Variants in ESRRB observed in about 807,000 individuals in gnomAD.
The protein encoded by ESRRB is estrogen related receptor beta.
In ESRRB, 16 loss-of-function variants were observed where a neutral mutation model predicts 46.0. The observed-to-expected ratio is 0.35, with a 90% CI of 0.24 to 0.53. The LOEUF (loss-of-function observed/expected upper bound fraction) is 0.53. Among genes scored for constraint, ESRRB ranks in the 20% least tolerant of loss-of-function variants. The pLI is 0.93. For synonymous variants in ESRRB, 246 were observed against 259.6 expected (o/e 0.95, Z 0.50); for missense variants, 488 against 607.4 (o/e 0.80, Z 2.07).
At chr14:76,386,703 C>T (rs1885247399) in intron 1 of ESRRB, among the ~76,000 whole-genome samples, 2 of 152,096 alleles carry the variant, frequency 1.3e-5, no homozygotes, top group African/African-American at 4.8e-5. Flanking sequence ...TTCAGGTGAT[C>T]TGCCTGCCTC....
intron 1 of ESRRB, among the ~76,000 whole-genome samples, chr14:76,353,355 C>G (rs984836537): frequency 6.6e-6 from 1 of 152,178 alleles, no homozygotes; most frequent in Non-Finnish European, 1.5e-5. Context: ...AGGCCCTCAT[C>G]TCTGCAAATC....
chr14:76,459,912 G>GGAGA (rs1888782044), intron 2 of ESRRB, among the ~76,000 whole-genome samples: 1 of 151,982 alleles, frequency 6.6e-6, no homozygotes, highest in Admixed American at 6.6e-5. Context: ...AGGGAGAGGG[G>GGAGA]GAGAGAGGGA....
intron 1 of ESRRB, among the ~76,000 whole-genome samples, chr14:76,429,365 A>C (rs1210309811): frequency 6.6e-6 from 1 of 152,236 alleles, no homozygotes; most frequent in Non-Finnish European, 1.5e-5. Flanking sequence ...TGTGTCCAGA[A>C]AAGTGTTACC....
At chr14:76,355,136 T>C (rs1884364260) in intron 1 of ESRRB, among the ~76,000 whole-genome samples, 1 of 152,206 alleles carries the variant, frequency 6.6e-6, no homozygotes, top group African/African-American at 2.4e-5. Flanking sequence ...GGATGGGTCT[T>C]TTCCAGGCAG....
chr14:76,367,841 C>T (rs1284419373), upstream of ESRRB, among the ~76,000 whole-genome samples: 1 of 152,136 alleles, frequency 6.6e-6, no homozygotes, highest in Non-Finnish European at 1.5e-5. Flanking sequence ...ACCCATCCCT[C>T]CTTGTCCCAT....
chr14:76,485,796 C>G (rs1019659422), intron 5 of ESRRB, among the ~76,000 whole-genome samples: 3 of 152,146 alleles, frequency 2.0e-5, no homozygotes, highest in Non-Finnish European at 4.4e-5. Flanking sequence ...GCAGGCTGCT[C>G]AGGAGTAGAG....
chr14:76,419,215 A>G (rs1398288254), intron 1 of ESRRB, among the ~76,000 whole-genome samples: 1 of 151,970 alleles, frequency 6.6e-6, no homozygotes, highest in Non-Finnish European at 1.5e-5. Context: ...GGGTTTCGCC[A>G]TGTTGGCCAG....
At chr14:76,494,762 G>C (rs976472816) in intron 6 of ESRRB, among the ~76,000 whole-genome samples, 1 of 152,220 alleles carries the variant, frequency 6.6e-6, no homozygotes, top group Non-Finnish European at 1.5e-5. Context: ...GTTCTGTCAG[G>C]TGGAGGAGGA....
chr14:76,312,616 G>A (rs190002986), intron 1 of ESRRB, among the ~76,000 whole-genome samples: 76 of 151,516 alleles, frequency 5.0e-4, no homozygotes, highest in African/African-American at 1.7e-3. Flanking sequence ...GGGGACAAAC[G>A]CCAACTAGGA....
chr14:76,445,715 C>CG (rs1211814080), intron 2 of ESRRB, among the ~76,000 whole-genome samples: 1 of 145,118 alleles, frequency 6.9e-6, no homozygotes, highest in Admixed American at 6.9e-5. Flanking sequence ...GACAGAGTCT[C>CG]GCTCTGTCAC....
intron 2 of ESRRB, among the ~76,000 whole-genome samples, chr14:76,443,197 G>A (rs1887993246): frequency 6.6e-6 from 1 of 152,158 alleles, no homozygotes; most frequent in Non-Finnish European, 1.5e-5. Context: ...AAACAGTAGA[G>A]CACGTTTTCC....
intron 1 of ESRRB, among the ~76,000 whole-genome samples, chr14:76,354,764 C>A (rs999376388): frequency 7.0e-6 from 1 of 143,378 alleles, no homozygotes; most frequent in African/African-American, 2.6e-5. Context: ...GGCTGGAGTG[C>A]AATGGCTCGA....
intron 1 of ESRRB, among the ~76,000 whole-genome samples, chr14:76,332,622 AAT>A (rs1884033343): frequency 2.6e-5 from 1 of 38,512 alleles, no homozygotes; most frequent in African/African-American, 1.4e-4. Context: ...ATATTATATA[AAT>A]ATATATTATA....
At chr14:76,355,831 A>G (rs8003974) in intron 1 of ESRRB, among the ~76,000 whole-genome samples, 48,995 of 151,958 alleles carry the variant, frequency 0.32, 8,187 homozygotes, top group African/African-American at 0.41. Context: ...TTCCTGCTGC[A>G]CCCTCAGCCT....
chr14:76,439,253 C>T (rs1385309985), intron 1 of ESRRB, 88 bp from the exon 2 acceptor site: 1 of 1,476,812 alleles, frequency 6.8e-7, no homozygotes, highest in Non-Finnish European at 9.4e-7. Flanking sequence ...GCATAGAGCC[C>T]TTCCCAGCCA....
rs201691455 is a variant in ESRRB, at chr14:76,482,064, G to A, written c.626G>A (p.Arg209Gln). The A allele has an allele frequency of 1.2e-4, 198 of 1,614,088 alleles. No individual in the cohort carries two copies. Among genetic ancestry groups the A allele is most frequent in the Non-Finnish European group, 1.6e-4 (190 of 1,180,050 alleles). The change falls in exon 4 of 7, where the codon CGG becomes CAG. Residue 209 changes from arginine to glutamine, a missense_variant. By Grantham distance (43) the Arg-to-Gln change is conservative (BLOSUM62 1). Coordinates refer to ENST00000644823, the MANE Select transcript of ESRRB (RefSeq NM_001379180.1). The surrounding 1 kb of genome is among the most constrained non-coding windows in gnomAD (Gnocchi z 4.3). ...GGAGGCCGTCAGAAATACAAGCGAC[G>A]GCTGGACTCAGAGAGCAGCCCATAC... ...VRGGRQKYKR[R>Q]LDSESSPYLS...
intron 3 of ESRRB, among the ~76,000 whole-genome samples, chr14:76,475,674 T>G (rs1335300625): frequency 1.3e-5 from 2 of 152,200 alleles, no homozygotes; most frequent in African/African-American, 4.8e-5. Context: ...AAAATTTGCT[T>G]CTTTTCCCCA....
At chr14:76,453,208 G>A (rs930817055) in intron 2 of ESRRB, among the ~76,000 whole-genome samples, 1 of 152,220 alleles carries the variant, frequency 6.6e-6, no homozygotes, top group Admixed American at 6.5e-5. Context: ...AGCATAGGAG[G>A]GGCCTTGAAA....
At chr14:76,372,177 G>A (rs116520729), upstream of ESRRB, among the ~76,000 whole-genome samples, 1,009 of 152,264 alleles carry the variant, frequency 6.6e-3, 13 homozygotes, top group African/African-American at 0.023. Flanking sequence ...GTGGGAAAGG[G>A]CGGGTGGTTA....
Sources: gnomAD v4.1 joint callset for allele counts (sites outside exome capture counted in the v4.1 genomes callset) on GRCh38, gnomAD v4.1.1 for gene constraint, Gnocchi (gnomAD v3.1) non-coding constraint, MANE v1.5 for transcripts, NCBI Gene and HGNC (gene_info 2026-07-23, HGNC 2026-07-21) for gene names.